DMBT1: variants seen among roughly 807,000 people sequenced by gnomAD.
DMBT1 encodes the protein deleted in malignant brain tumors 1.
A neutral mutation model predicts 252.9 loss-of-function variants in DMBT1; 198 were observed. The ratio of observed to expected loss-of-function variants is 0.78; its 90% CI spans 0.70 to 0.88. DMBT1 has a LOEUF of 0.88. DMBT1 is among the 40% of genes least tolerant of loss of function. The probability of loss-of-function intolerance (pLI) is 0.00; values close to 1 mark genes in which losing one functional copy is unlikely to be tolerated. For synonymous variants in DMBT1, 990 were observed against 942.7 expected (o/e 1.05, Z -0.92); for missense variants, 2,432 against 2,404.7 (o/e 1.01, Z -0.24).
intron 1 of DMBT1, among the ~76,000 whole-genome samples, chr10:122,561,469 C>T (rs952193755): frequency 1.3e-5 from 2 of 152,202 alleles, no homozygotes; most frequent in Admixed American, 6.5e-5. Context: ...CCGTCGGTAG[C>T]GCACTCTGAT....
chr10:122,568,962 C>A (rs2075082627), intron 2 of DMBT1, among the ~76,000 whole-genome samples: 1 of 152,212 alleles, frequency 6.6e-6, no homozygotes, highest in Non-Finnish European at 1.5e-5. Context: ...AATATTACCA[C>A]ACATAAGTAT....
chr10:122,578,589 G>T (rs1186165630), intron 8 of DMBT1, 129 bp from the exon 9 acceptor site: 3 of 769,142 alleles, frequency 3.9e-6, no homozygotes, highest in Non-Finnish European at 6.8e-6. Flanking sequence ...GCAGACACAT[G>T]GGGAGCAAGT....
At chr10:122,574,310 A>G (rs2097692707) in intron 6 of DMBT1, among the ~76,000 whole-genome samples, 1 of 152,206 alleles carries the variant, frequency 6.6e-6, no homozygotes, top group African/African-American at 2.4e-5. Flanking sequence ...GACATAGTCA[A>G]TACATCCTGG....
intron 27 of DMBT1, 112 bp from the exon 28 acceptor site, chr10:122,600,879 G>A: frequency 3.0e-6 from 2 of 660,604 alleles, no homozygotes; most frequent in Admixed American, 2.6e-5. Flanking sequence ...GCAAGTGGCA[G>A]GAACAGGAAG....
In DMBT1 at chr10:122,576,488, A is replaced by G; in HGVS notation, c.373A>G (p.Thr125Ala). ...GATCCTATACCGAGGCTCCTGGGGC[A>G]CCGTGTGTGATGACAGCTGGGACAC... Reference protein sequence around the residue: ...VEILYRGSWGTVCDDSWDTND... With the variant: ...VEILYRGSWGAVCDDSWDTND... Residue 125 changes from threonine (T) to alanine (A), a missense_variant, in exon 7 of 56, where the codon ACC becomes GCC. This residue lies in a region of DMBT1 where 1,264 missense variants were observed against 1,082.2 expected (regional missense o/e 1.17). Coordinates refer to ENST00000338354, the MANE Select transcript of DMBT1 (RefSeq NM_001377530.1). 6.2e-7 allele frequency: 1 copy of G among 1,613,938 alleles called. No homozygotes were observed.
intron 46 of DMBT1, among the ~76,000 whole-genome samples, chr10:122,628,551 G>A (rs568479902): frequency 3.9e-4 from 59 of 152,274 alleles, no homozygotes; most frequent in South Asian, 2.1e-3. Context: ...CAGGAGAATC[G>A]CTTGAACCCG....
At chr10:122,618,647 T>A (rs1044517210) in intron 41 of DMBT1, among the ~76,000 whole-genome samples, 1 of 152,150 alleles carries the variant, frequency 6.6e-6, no homozygotes, top group Non-Finnish European at 1.5e-5. Context: ...CCCTGCTGAG[T>A]AGCACTGGTT....
chr10:122,634,009 C>T (rs2098188771), intron 52 of DMBT1, among the ~76,000 whole-genome samples: 1 of 152,102 alleles, frequency 6.6e-6, no homozygotes. Context: ...TGGTGGCCTG[C>T]ACCTGTAGTC....
chr10:122,588,552 C>G (rs1463409661), intron 16 of DMBT1, among the ~76,000 whole-genome samples: 1 of 149,148 alleles, frequency 6.7e-6, no homozygotes, highest in Non-Finnish European at 1.5e-5. Flanking sequence ...CTGGCCAAAG[C>G]CTTGCCATCC....
Position 122,586,296 on chromosome 10 carries a change from A to T in DMBT1, c.1696A>T (p.Asn566Tyr). ...CCTGGATGACGTGCGCTGCTCAGGG[A>T]ATGAGTCCTACTTGTGGAGCTGCCC... is the stretch of plus-strand genomic sequence containing the variant. The part of the protein sequence containing the change: ...IVLDDVRCSG[N>Y]ESYLWSCPHN... Residue 566 changes from asparagine (N) to tyrosine (Y), a missense_variant, in exon 16 of 56, where the codon AAT becomes TAT. Physicochemically the swap from Asn to Tyr is moderately radical, Grantham distance 143. This residue lies in a region of DMBT1 where 1,264 missense variants were observed against 1,082.2 expected (regional missense o/e 1.17). Coordinates refer to ENST00000338354, the MANE Select transcript of DMBT1 (RefSeq NM_001377530.1). 2 of 1,588,484 alleles carry T rather than the reference A, an allele frequency of 1.3e-6. No homozygotes were observed. Among genetic ancestry groups the T allele is most frequent in the Non-Finnish European group, 1.7e-6 (2 of 1,165,796 alleles).
intron 15 of DMBT1, 74 bp from the exon 16 acceptor site, chr10:122,585,986 T>A: frequency 6.3e-7 from 1 of 1,579,678 alleles, no homozygotes; most frequent in African/African-American, 1.3e-5. Context: ...AGGACGTGCC[T>A]TGAGTGTGGA....
At chr10:122,637,056 C>A in intron 53 of DMBT1, 72 bp from the exon 54 acceptor site, 1 of 1,457,598 alleles carries the variant, frequency 6.9e-7, no homozygotes. Flanking sequence ...TAAGTGGAAA[C>A]AGCCTCTGGC....
At chr10:122,619,275 A>C (rs781373432) in intron 41 of DMBT1, 33 bp from the exon 42 acceptor site, 15 of 1,613,798 alleles carry the variant, frequency 9.3e-6, no homozygotes, top group Non-Finnish European at 1.2e-5. Flanking sequence ...TGTATAGTGC[A>C]TCTGATCTGA....
At chr10:122,567,915 T>C (rs2097614056) in intron 2 of DMBT1, among the ~76,000 whole-genome samples, 1 of 152,194 alleles carries the variant, frequency 6.6e-6, no homozygotes, top group Non-Finnish European at 1.5e-5. Flanking sequence ...TTTCTAAAGA[T>C]AAAACTTGAA....
At chr10:122,580,823 T>C in intron 10 of DMBT1, 43 bp from the exon 11 acceptor site, 1 of 1,613,672 alleles carries the variant, frequency 6.2e-7, no homozygotes, top group South Asian at 1.1e-5. Context: ...TGCCGACTTC[T>C]GTGTAATGTT....
chr10:122,589,395 C>A (rs760089041), intron 17 of DMBT1, 128 bp downstream of exon 17: 3 of 1,422,110 alleles, frequency 2.1e-6, no homozygotes, highest in East Asian at 2.5e-5. Context: ...CTCCTTAGCT[C>A]TCTTCTAGGA....
chr10:122,633,897 G>T (rs2098187673), intron 52 of DMBT1, among the ~76,000 whole-genome samples: 1 of 152,290 alleles, frequency 6.6e-6, no homozygotes, highest in East Asian at 1.9e-4. Context: ...ACTTTGGGAG[G>T]CCGAGGCAGG....
At chr10:122,599,903 T>C (rs535546414) in intron 26 of DMBT1, among the ~76,000 whole-genome samples, 161 bp from the exon 27 acceptor site, 46 of 152,234 alleles carry the variant, frequency 3.0e-4, no homozygotes, top group South Asian at 1.5e-3. Context: ...ACCCCTTACA[T>C]GGTGCATCTC....
At chr10:122,634,445 TCTCTCTCTCTCTC>T (rs2098204871) in intron 52 of DMBT1, among the ~76,000 whole-genome samples, 2 of 65,006 alleles carry the variant, frequency 3.1e-5, no homozygotes, top group East Asian at 5.9e-4. Flanking sequence ...TCTCTCTCTC[TCTCTCTCTCTCTC>T]TCTCTCTCTC....
Sources: allele counts gnomAD v4.1 joint callset (sites outside exome capture counted in the v4.1 genomes callset), GRCh38; gene constraint gnomAD v4.1.1; regional missense constraint gnomAD v4.1.1; transcripts MANE v1.5; gene names NCBI Gene and HGNC (gene_info 2026-07-23, HGNC 2026-07-21).